The following OFD1 variants were observed in gnomAD, a reference collection of about 807,000 sequenced individuals.
The protein encoded by OFD1 is centriole and centriolar satellite protein OFD1.
In OFD1, 12 loss-of-function variants were observed where a neutral mutation model predicts 81.4. The ratio of observed to expected loss-of-function variants is 0.15; its 90% confidence interval spans 0.09 to 0.24. OFD1 has a LOEUF of 0.24. Among genes scored for constraint, OFD1 ranks in the 10% least tolerant of loss-of-function variants. OFD1 has a pLI of 1.00. For synonymous variants in OFD1, 256 were observed against 263.7 expected (o/e 0.97, Z 0.28); for missense variants, 685 against 733.9 (o/e 0.93, Z 0.77).
chrX:13,718,384 T>G, the OFD1 span, among the ~76,000 whole-genome samples: 330 of 113,167 alleles, frequency 2.9e-3, 1 homozygote, highest in African/African-American at 9.7e-3. Context: ...TCTTTTACAA[T>G]GATGATCAAT....
chrX:13,751,570 A>G (rs1269543202), intron 10 of OFD1, among the ~76,000 whole-genome samples: 2 of 111,514 alleles, frequency 1.8e-5, no homozygotes, highest in East Asian at 5.6e-4. Context: ...GTGGTGGCTC[A>G]TGCCTATAAT....
At chrX:13,745,085 G>A (rs1358061178) in intron 6 of OFD1, among the ~76,000 whole-genome samples, 1 of 112,054 alleles carries the variant, frequency 8.9e-6, no homozygotes, top group African/African-American at 3.2e-5. Context: ...ATGGGAAATA[G>A]CTGTTTAAAA....
Position 13,734,808 on chromosome X carries a change from TC to T in OFD1, c.-262del, listed in dbSNP as rs764433407. ...GTCCCTAGTGTCTGGGTCCCCGCCC[TC>T]CAGCCGCCTTTGAGTCGTGCCTGGG... On this transcript the variant is annotated 5_prime_UTR_variant, in exon 1 of 23. Coordinates refer to ENST00000340096, the MANE Select transcript of OFD1 (RefSeq NM_003611.3). 39 of 1,074,230 alleles carry T rather than the reference TC, an allele frequency of 3.6e-5. No homozygotes were observed. In the Admixed American group the frequency reaches 1.5e-3, roughly 42 times the overall value. The allele number at this position is 1,074,230 out of a possible 1,213,427, so 88.5% of individuals were successfully genotyped here.
At chrX:13,741,013 A>C in intron 5 of OFD1, among the ~76,000 whole-genome samples, 1 of 100,382 alleles carries the variant, frequency 1.0e-5, no homozygotes, top group Middle Eastern at 6.7e-3. Flanking sequence ...GGTGGCGTGC[A>C]CCTGTAGTCC....
At chrX:13,753,210 G>T (rs2047567994) in intron 10 of OFD1, 158 bp from the exon 11 acceptor site, 1 of 1,097,418 alleles carries the variant, frequency 9.1e-7, no homozygotes, top group South Asian at 2.4e-5. Context: ...ATGTTCAGGG[G>T]TTATATCCCT....
chrX:13,768,228 CCA>C lies in OFD1; in HGVS notation c.2928+5_2928+6del. 3.4e-6 allele frequency: 4 copies of C among 1,193,357 alleles called. No homozygotes were observed. The highest frequency in any genetic ancestry group is 4.6e-6 in the Non-Finnish European group (4 of 878,484). Reference sequence around the variant, plus strand: ...AGACCAGGAGTCGGCAGATAAGGTGCCAGTGCCATGGGCAGGGCAATCTGTGG... The same window carrying C: ...AGACCAGGAGTCGGCAGATAAGGTGCGTGCCATGGGCAGGGCAATCTGTGG... On this transcript the variant is annotated splice_donor_5th_base_variant and intron_variant, in intron 21 of 22. Coordinates refer to ENST00000340096, the MANE Select transcript of OFD1 (RefSeq NM_003611.3).
At chrX:13,736,152 A>G (rs1602766418) in intron 2 of OFD1, 3 of 872,277 alleles carry the variant, frequency 3.4e-6, no homozygotes, top group African/African-American at 4.2e-5. Flanking sequence ...CCTATACTTA[A>G]TATCCCAATC....
chrX:13,767,826 G>A (rs1473950396), intron 20 of OFD1: 4 of 363,950 alleles, frequency 1.1e-5, no homozygotes, highest in East Asian at 1.1e-4. Flanking sequence ...TTGGACTCTT[G>A]GTTAATTCAA....
At chrX:13,747,269 G>T (rs904256694) in intron 8 of OFD1, among the ~76,000 whole-genome samples, 32 of 111,887 alleles carry the variant, frequency 2.9e-4, no homozygotes, top group African/African-American at 1.0e-3. Flanking sequence ...GATTGGAGGT[G>T]CAGAGTAGTT....
At chrX:13,737,032 T>A (rs185510642) in intron 3 of OFD1, among the ~76,000 whole-genome samples, 15 of 112,027 alleles carry the variant, frequency 1.3e-4, no homozygotes, top group African/African-American at 4.9e-4. Context: ...CTGCAGATGT[T>A]TTGTGTGTTA....
At position 13,757,787 on chromosome X, in the gene OFD1, C is replaced by G; in HGVS notation, c.1539C>G (p.Asp513Glu). 2 of 1,211,051 alleles carry G rather than the reference C, an allele frequency of 1.7e-6. 1 individual carries two copies. Among genetic ancestry groups the G allele is most frequent in the Admixed American group, 4.3e-5 (2 of 46,039 alleles). ...CRQALHKQLQ[D>E]EIEHSAQLKA... is the part of the protein sequence containing the mutation. ...AAGCTCTGCACAAACAACTGCAAGA[C>G]GAAGTGAGTATTGCTCTTCTTCAGT... is the stretch of plus-strand genomic sequence containing the variant. Residue 513 changes from aspartate (D) to glutamate (E), a missense_variant, in exon 14 of 23, where the codon GAC (aspartate) becomes GAG (glutamate). Asp to Glu is a conservative substitution (Grantham distance 45, BLOSUM62 2). Coordinates refer to ENST00000340096, the MANE Select transcript of OFD1 (RefSeq NM_003611.3).
the OFD1 span, chrX:13,722,211 A>G: frequency 3.1e-5 from 1 of 31,937 alleles, no homozygotes; most frequent in Admixed American, 4.7e-4. Context: ...GCAGCAGCAA[A>G]AAAAAAAAAA....
chrX:13,751,593 G>A (rs2047504565), intron 10 of OFD1, among the ~76,000 whole-genome samples: 1 of 111,766 alleles, frequency 8.9e-6, no homozygotes, highest in African/African-American at 3.3e-5. Context: ...CAGCACTCTG[G>A]GAGGCTGAGG....
chrX:13,722,216 A>AGCC, the OFD1 span: 2 of 93,297 alleles, frequency 2.1e-5, no homozygotes, highest in Admixed American at 2.4e-4. Flanking sequence ...AGCAAAAAAA[A>AGCC]AAAAAAAAAA....
chrX:13,731,936 TAAC>T (rs1239924565), upstream of OFD1, among the ~76,000 whole-genome samples: 3 of 111,979 alleles, frequency 2.7e-5, no homozygotes, highest in African/African-American at 9.7e-5. Context: ...AAGGTGAAAT[TAAC>T]AAGATAGAAG....
intron 10 of OFD1, among the ~76,000 whole-genome samples, chrX:13,752,479 T>C (rs1028428457): frequency 1.8e-5 from 2 of 112,626 alleles, no homozygotes; most frequent in Middle Eastern, 4.6e-3. Context: ...TTTCTTGAGG[T>C]AATCCTTTAA....
chrX:13,753,665 G>GT (rs1438985291), intron 11 of OFD1, among the ~76,000 whole-genome samples: 1 of 111,986 alleles, frequency 8.9e-6, no homozygotes, highest in Non-Finnish European at 1.9e-5. Flanking sequence ...ACAAAGGCCA[G>GT]TGATTTATCA....
At chrX:13,751,703 G>A (rs1602855129) in intron 10 of OFD1, among the ~76,000 whole-genome samples, 1 of 111,291 alleles carries the variant, frequency 9.0e-6, no homozygotes, top group Admixed American at 9.5e-5. Context: ...GTGTGGTGGT[G>A]GGCACTTGTA....
chrX:13,759,519 C>T (rs139454842), intron 15 of OFD1, among the ~76,000 whole-genome samples: 1 of 111,758 alleles, frequency 8.9e-6, no homozygotes, highest in Non-Finnish European at 1.9e-5. Flanking sequence ...ACTTGCTAAC[C>T]GTGTGACCCA....
Sources: gnomAD v4.1 joint callset for allele counts (sites outside exome capture counted in the v4.1 genomes callset) on GRCh38, gnomAD v4.1.1 for gene constraint, MANE v1.5 for transcripts, NCBI Gene and HGNC (gene_info 2026-07-23, HGNC 2026-07-21) for gene names.